The following AUTS2 variants were observed in gnomAD, a reference collection of about 807,000 sequenced individuals.
AUTS2 encodes activator of transcription and developmental regulator AUTS2.
Under a neutral mutation model 112.4 loss-of-function variants are expected in AUTS2, and 17 were observed. The observed-to-expected ratio is 0.15, with a 90% CI of 0.10 to 0.23. The LOEUF (loss-of-function observed/expected upper bound fraction) is 0.23, where lower values mean the gene tolerates loss of function less well. AUTS2 is among the 10% of genes least tolerant of loss of function. AUTS2 has a pLI of 1.00. For synonymous variants in AUTS2, 751 were observed against 702.7 expected (o/e 1.07, Z -1.09); for missense variants, 1,510 against 1,701.6 (o/e 0.89, Z 1.98).
chr7:70,095,223 T>A (rs1463323830), intron 2 of AUTS2, among the ~76,000 whole-genome samples: 1 of 152,198 alleles, frequency 6.6e-6, no homozygotes, highest in Non-Finnish European at 1.5e-5. Flanking sequence ...AAGCAATCAC[T>A]AATAAACTTG....
At chr7:70,529,767 G>A (rs1218968779) in intron 5 of AUTS2, among the ~76,000 whole-genome samples, 2 of 152,164 alleles carry the variant, frequency 1.3e-5, no homozygotes, top group African/African-American at 4.8e-5. Flanking sequence ...CTCCTTCTAG[G>A]GGGTGGGATC....
rs1799496671 is a variant in AUTS2, at chr7:70,518,221, T to C, written c.690+82440T>C. Among the ~76,000 whole-genome samples the C allele has an allele frequency of 5.3e-5, 8 of 152,316 alleles. 1 individual carries two copies. In the South Asian group the frequency reaches 1.7e-3, roughly 32 times the overall value. On this transcript the variant is annotated intron_variant, in intron 5 of 18. Transcript: ENST00000342771. ...TAAAATTATTTTTTACAATATGTAC[T>C]TTAATAGGATTGCAGGATTGAAATA...
chr7:70,209,426 A>G (rs774152116), intron 4 of AUTS2, among the ~76,000 whole-genome samples: 2 of 152,214 alleles, frequency 1.3e-5, no homozygotes, highest in East Asian at 1.9e-4. Context: ...TAAAGAATCT[A>G]GGAGATTGGG....
At chr7:69,743,310 G>A (rs570894059) in intron 1 of AUTS2, among the ~76,000 whole-genome samples, 3 of 152,218 alleles carry the variant, frequency 2.0e-5, no homozygotes, top group African/African-American at 7.2e-5. Context: ...TAGTACTTTA[G>A]CGTTCATCAG....
chr7:70,761,794 T>C (rs187257424), intron 6 of AUTS2, among the ~76,000 whole-genome samples: 97 of 152,330 alleles, frequency 6.4e-4, no homozygotes, highest in African/African-American at 2.2e-3. Flanking sequence ...TCTTTCACGA[T>C]TGTAGAATTT....
chr7:70,143,426 C>T (rs1806963585), intron 4 of AUTS2, among the ~76,000 whole-genome samples: 1 of 152,232 alleles, frequency 6.6e-6, no homozygotes, highest in African/African-American at 2.4e-5. Flanking sequence ...CTGTCAGATC[C>T]TGTACACATA....
intron 4 of AUTS2, among the ~76,000 whole-genome samples, chr7:70,232,345 A>G (rs1374368665): frequency 6.6e-6 from 1 of 151,834 alleles, no homozygotes; most frequent in African/African-American, 2.4e-5. Context: ...TTCTATGAGC[A>G]TACATACGTA....
At chr7:70,181,067 C>T (rs1162407101) in intron 4 of AUTS2, among the ~76,000 whole-genome samples, 4 of 152,000 alleles carry the variant, frequency 2.6e-5, no homozygotes, top group Non-Finnish European at 5.9e-5. Context: ...GTATCTTATT[C>T]TTTATGTGCT....
chr7:69,642,766 A>C (rs2129121675), intron 1 of AUTS2, among the ~76,000 whole-genome samples: 1 of 152,296 alleles, frequency 6.6e-6, no homozygotes, highest in East Asian at 1.9e-4. Context: ...AGTCTCAGGC[A>C]ATTATTGATT....
intron 5 of AUTS2, among the ~76,000 whole-genome samples, chr7:70,494,403 ACACT>A (rs1025251348): frequency 3.3e-5 from 5 of 152,198 alleles, no homozygotes; most frequent in Non-Finnish European, 7.3e-5. Context: ...AATCAGCCAA[ACACT>A]CAGCCTCATG....
intron 5 of AUTS2, among the ~76,000 whole-genome samples, chr7:70,452,464 T>A (rs1200243910): frequency 6.6e-6 from 1 of 152,084 alleles, no homozygotes; most frequent in Non-Finnish European, 1.5e-5. Flanking sequence ...GTCTCAATAA[T>A]ACTACTATTA....
At chr7:69,774,881 G>C (rs1436657697) in intron 1 of AUTS2, among the ~76,000 whole-genome samples, 1 of 152,072 alleles carries the variant, frequency 6.6e-6, no homozygotes, top group East Asian at 1.9e-4. Flanking sequence ...GGGAACTCCT[G>C]ATATCTCCAG....
chr7:69,897,221 G>A (rs191263412), intron 1 of AUTS2, among the ~76,000 whole-genome samples: 1 of 152,346 alleles, frequency 6.6e-6, no homozygotes, highest in East Asian at 1.9e-4. Flanking sequence ...GAAAAGGGAG[G>A]AGTGTGTAAG....
intron 1 of AUTS2, among the ~76,000 whole-genome samples, chr7:69,807,498 C>A (rs1790359080): frequency 6.6e-6 from 1 of 152,188 alleles, no homozygotes. Flanking sequence ...GACTCTTCAT[C>A]AGATTTGGTC....
At chr7:69,656,465 T>G (rs1795544878) in intron 1 of AUTS2, among the ~76,000 whole-genome samples, 1 of 152,238 alleles carries the variant, frequency 6.6e-6, no homozygotes, top group Non-Finnish European at 1.5e-5. Context: ...CTTACTTTTT[T>G]TTTCTCTTTC....
At chr7:70,256,867 G>T (rs1786902093) in intron 4 of AUTS2, among the ~76,000 whole-genome samples, 1 of 152,168 alleles carries the variant, frequency 6.6e-6, no homozygotes, top group Admixed American at 6.5e-5. Context: ...TCTCAGTCTG[G>T]TGTAGAGCTA....
chr7:70,660,861 C>A (rs1467814703), intron 5 of AUTS2, among the ~76,000 whole-genome samples: 3 of 152,122 alleles, frequency 2.0e-5, no homozygotes, highest in African/African-American at 7.2e-5. Flanking sequence ...AGGGACCTAA[C>A]GTGCATACTA....
At chr7:70,224,345 AAT>A (rs1241303393) in intron 4 of AUTS2, among the ~76,000 whole-genome samples, 1 of 69,234 alleles carries the variant, frequency 1.4e-5, no homozygotes. Flanking sequence ...AATACAATAC[AAT>A]ACAATACAAT....
At chr7:69,843,719 G>A (rs1225392439) in intron 1 of AUTS2, among the ~76,000 whole-genome samples, 1 of 152,116 alleles carries the variant, frequency 6.6e-6, no homozygotes, top group African/African-American at 2.4e-5. Context: ...TACCAGTGTG[G>A]TAACCTTCTC....
Sources: allele counts gnomAD v4.1 joint callset (sites outside exome capture counted in the v4.1 genomes callset), GRCh38; gene constraint gnomAD v4.1.1; transcripts MANE v1.5; gene names NCBI Gene and HGNC (gene_info 2026-07-23, HGNC 2026-07-21).